Variants in EPHB1 observed in about 807,000 individuals in gnomAD.
The protein encoded by EPHB1 is ephrin type-B receptor 1.
Under a neutral mutation model 94.4 loss-of-function variants are expected in EPHB1, and 30 were observed. The ratio of observed to expected loss-of-function variants is 0.32; its 90% confidence interval spans 0.24 to 0.43. The LOEUF (loss-of-function observed/expected upper bound fraction) is 0.43, where lower values mean the gene tolerates loss of function less well. Among genes scored for constraint, EPHB1 ranks in the 20% least tolerant of loss-of-function variants. The pLI, the probability that EPHB1 is intolerant of heterozygous loss-of-function variation, is 1.00. For missense variants in EPHB1, 1,055 were observed against 1,308.3 expected (o/e 0.81, Z 2.99); for synonymous variants, 522 against 489.1 (o/e 1.07, Z -0.89).
At chr3:135,077,515 T>C (rs1937981579) in intron 3 of EPHB1, among the ~76,000 whole-genome samples, 1 of 152,200 alleles carries the variant, frequency 6.6e-6, no homozygotes, top group Non-Finnish European at 1.5e-5. Context: ...CTAGTGTACA[T>C]CACTGGGCCA....
chr3:135,019,153 G>T (rs1935905672), intron 3 of EPHB1, among the ~76,000 whole-genome samples: 1 of 152,128 alleles, frequency 6.6e-6, no homozygotes, highest in Non-Finnish European at 1.5e-5. Context: ...CGAGCCTTTA[G>T]CACCAGCACA....
chr3:134,939,505 T>C (rs2039075644), intron 2 of EPHB1, among the ~76,000 whole-genome samples: 1 of 152,186 alleles, frequency 6.6e-6, no homozygotes, highest in South Asian at 2.1e-4. Flanking sequence ...CCTTGGTTGG[T>C]TGGTGTAGTA....
chr3:135,111,140 A>T (rs1266529571), intron 4 of EPHB1, among the ~76,000 whole-genome samples: 1 of 152,206 alleles, frequency 6.6e-6, no homozygotes, highest in African/African-American at 2.4e-5. Context: ...GGTCTTGGGC[A>T]CAGGATCTGC....
At chr3:134,990,629 A>G (rs1341400525) in intron 3 of EPHB1, among the ~76,000 whole-genome samples, 1 of 152,054 alleles carries the variant, frequency 6.6e-6, no homozygotes, top group Non-Finnish European at 1.5e-5. Flanking sequence ...TTGTACCAGG[A>G]CTCCTGGGGA....
rs1165381292 is a variant in EPHB1, at chr3:135,248,465, C to T, written c.2646C>T (p.Ile882=). ...AEIVNTLDKM[I]RNPASLKTVA... ...TTGTCAACACCCTAGATAAGATGATCCGGAACCCGGCAAGTCTCAAGACTG... is the reference window on the plus strand; with the variant it reads ...TTGTCAACACCCTAGATAAGATGATTCGGAACCCGGCAAGTCTCAAGACTG... Residue 882 remains isoleucine, a synonymous_variant, in exon 14 of 16, where the codon ATC becomes ATT. Transcript: ENST00000398015. 6.2e-7 allele frequency: 1 copy of T among 1,612,818 alleles called. No individual in the cohort carries two copies. Among genetic ancestry groups the T allele is most frequent in the Admixed American group, 1.7e-5 (1 of 59,970 alleles).
rs1933016682 is a variant in EPHB1, at chr3:134,951,244, A to G, written c.124-127A>G. ...TTAGATGTGTTCATTTCTCAAGTCAATCTGCTGGACTGGTGAGCTCTTAAG... is the reference window on the plus strand; with the variant it reads ...TTAGATGTGTTCATTTCTCAAGTCAGTCTGCTGGACTGGTGAGCTCTTAAG... On this transcript the variant is annotated intron_variant, in intron 2 of 15. Coordinates refer to ENST00000398015, the MANE Select transcript of EPHB1 (RefSeq NM_004441.5). This position sits in a 1 kb window ranked among gnomAD's most constrained non-coding sequence, Gnocchi z 4.5. 1.4e-6 allele frequency: 1 copy of G among 729,056 alleles called. No individual in the cohort carries two copies. Among genetic ancestry groups the G allele is most frequent in the East Asian group, 2.8e-5 (1 of 36,130 alleles). The allele number at this position is 729,056 out of a possible 1,614,324, so 45.2% of individuals were successfully genotyped here.
At chr3:135,122,668 A>G (rs920752473) in intron 4 of EPHB1, among the ~76,000 whole-genome samples, 2 of 152,186 alleles carry the variant, frequency 1.3e-5, no homozygotes, top group Non-Finnish European at 2.9e-5. Context: ...AGCTCAGGCT[A>G]GGTAGAGGGG....
intron 12 of EPHB1, among the ~76,000 whole-genome samples, chr3:135,208,684 A>G (rs1942962845): frequency 6.6e-6 from 1 of 152,248 alleles, no homozygotes; most frequent in Admixed American, 6.5e-5. Flanking sequence ...AAATATGGAA[A>G]GCATAAAAGC....
intron 2 of EPHB1, among the ~76,000 whole-genome samples, chr3:134,949,638 A>G (rs143663027): frequency 1.3e-5 from 2 of 152,336 alleles, no homozygotes; most frequent in East Asian, 3.9e-4. Flanking sequence ...ATTCAAAGAT[A>G]CTGGTATGAT....
intron 3 of EPHB1, among the ~76,000 whole-genome samples, chr3:134,955,890 A>G (rs1245016198): frequency 6.6e-6 from 1 of 152,140 alleles, no homozygotes. Flanking sequence ...TAGAGGATTA[A>G]TGAGAAATCA....
chr3:134,990,480 G>T (rs1934756359), intron 3 of EPHB1, among the ~76,000 whole-genome samples: 1 of 152,016 alleles, frequency 6.6e-6, no homozygotes, highest in Non-Finnish European at 1.5e-5. Context: ...CCGTTTCTTT[G>T]TTCAGAACTT....
intron 2 of EPHB1, among the ~76,000 whole-genome samples, chr3:134,941,745 GCACACAGA>G (rs2039120112): frequency 2.2e-5 from 2 of 92,718 alleles, no homozygotes; most frequent in East Asian, 2.8e-4. Context: ...CTTTACATAT[GCACACAGA>G]CACACACACA....
chr3:134,838,218 A>G (rs1301381608), intron 1 of EPHB1, among the ~76,000 whole-genome samples: 1 of 152,176 alleles, frequency 6.6e-6, no homozygotes, highest in African/African-American at 2.4e-5. Flanking sequence ...AGGCAGATGC[A>G]ACAGAAAAAG....
At chr3:135,206,029 G>A (rs1942892496) in intron 12 of EPHB1, among the ~76,000 whole-genome samples, 1 of 152,110 alleles carries the variant, frequency 6.6e-6, no homozygotes, top group Non-Finnish European at 1.5e-5. Flanking sequence ...CCTCCCCATT[G>A]CATCCTCACC....
chr3:135,226,341 T>C (rs1424054305), intron 12 of EPHB1, among the ~76,000 whole-genome samples: 1 of 152,260 alleles, frequency 6.6e-6, no homozygotes. Context: ...CTTCCTCTTT[T>C]ATCACAGTAC....
At chr3:134,956,262 C>T (rs1326148539) in intron 3 of EPHB1, among the ~76,000 whole-genome samples, 1 of 152,000 alleles carries the variant, frequency 6.6e-6, no homozygotes, top group Non-Finnish European at 1.5e-5. Flanking sequence ...GTGGCCAGAT[C>T]CTAGCTGGAG....
intron 4 of EPHB1, among the ~76,000 whole-genome samples, chr3:135,121,805 CTT>C (rs370298819): frequency 2.8e-5 from 4 of 144,306 alleles, no homozygotes; most frequent in Admixed American, 1.4e-4. Context: ...TGCACAAAGT[CTT>C]TTTTTTTTTT....
intron 3 of EPHB1, among the ~76,000 whole-genome samples, chr3:135,100,237 A>C (rs1392642162): frequency 6.6e-6 from 1 of 152,124 alleles, no homozygotes; most frequent in East Asian, 1.9e-4. Context: ...AAGCTCTCCC[A>C]CATTTATGCT....
intron 1 of EPHB1, among the ~76,000 whole-genome samples, chr3:134,816,849 C>T (rs914723002): frequency 2.6e-5 from 4 of 151,940 alleles, no homozygotes; most frequent in African/African-American, 9.7e-5. Context: ...GGCCAAGAGT[C>T]GCAGGCGTCT....
Sources: gnomAD v4.1 joint callset for allele counts (sites outside exome capture counted in the v4.1 genomes callset) on GRCh38, gnomAD v4.1.1 for gene constraint, Gnocchi (gnomAD v3.1) non-coding constraint, MANE v1.5 for transcripts, NCBI Gene and HGNC (gene_info 2026-07-23, HGNC 2026-07-21) for gene names.